ARHGAP42: variants seen among roughly 807,000 people sequenced by gnomAD.
ARHGAP42 encodes the protein rho GTPase-activating protein 42.
Under a neutral mutation model 125.0 loss-of-function variants are expected in ARHGAP42, and 63 were observed. That is an observed-to-expected ratio of 0.50 (90% CI 0.41 to 0.62). The LOEUF (loss-of-function observed/expected upper bound fraction) is 0.62, where lower values mean the gene tolerates loss of function less well. ARHGAP42 is among the 20% of genes least tolerant of loss of function. ARHGAP42 has a pLI of 0.00. For synonymous variants in ARHGAP42, 339 were observed against 351.0 expected, an observed-to-expected ratio of 0.97 and a Z score of 0.38; for missense variants, 766 against 1,024.2, an observed-to-expected ratio of 0.75 and a Z score of 3.44.
chr11:100,981,710 G>A (rs138509669), intron 22 of ARHGAP42, among the ~76,000 whole-genome samples: 205 of 152,290 alleles, frequency 1.3e-3, no homozygotes, highest in Middle Eastern at 3.4e-3. Flanking sequence ...CATTTAGGAT[G>A]GAACTGGTGA....
chr11:100,789,613 C>T (rs897565096), intron 2 of ARHGAP42, among the ~76,000 whole-genome samples: 4 of 152,174 alleles, frequency 2.6e-5, no homozygotes, highest in South Asian at 2.1e-4. Flanking sequence ...CATGTGCTCA[C>T]GTGAGTGATC....
intron 2 of ARHGAP42, among the ~76,000 whole-genome samples, chr11:100,775,992 T>A (rs1367159809): frequency 6.6e-6 from 1 of 152,058 alleles, no homozygotes; most frequent in Non-Finnish European, 1.5e-5. Context: ...AAACCCCATC[T>A]CTACTCAAAA....
At chr11:100,943,065 T>A (rs549102135) in intron 9 of ARHGAP42, among the ~76,000 whole-genome samples, 1 of 152,056 alleles carries the variant, frequency 6.6e-6, no homozygotes, top group Non-Finnish European at 1.5e-5. Context: ...GTGGCCTATG[T>A]TGGATCTTGT....
chr11:100,811,487 C>T (rs1419161689), intron 3 of ARHGAP42, among the ~76,000 whole-genome samples: 1 of 147,592 alleles, frequency 6.8e-6, no homozygotes, highest in South Asian at 2.2e-4. Flanking sequence ...GCTTCTGCCT[C>T]GAATGTCTTG....
chr11:100,829,223 G>T (rs1464282850), intron 3 of ARHGAP42, among the ~76,000 whole-genome samples: 2 of 151,938 alleles, frequency 1.3e-5, no homozygotes, highest in Non-Finnish European at 2.9e-5. Flanking sequence ...AAAAAAGCAT[G>T]GTGGCTTCCG....
At chr11:100,763,398 T>C (rs183412437) in intron 1 of ARHGAP42, among the ~76,000 whole-genome samples, 1 of 152,316 alleles carries the variant, frequency 6.6e-6, no homozygotes, top group East Asian at 1.9e-4. Flanking sequence ...CAGATGAATA[T>C]ATACCTACCT....
At chr11:100,975,006 G>A (rs1474244122) in intron 19 of ARHGAP42, among the ~76,000 whole-genome samples, 1 of 152,046 alleles carries the variant, frequency 6.6e-6, no homozygotes, top group Non-Finnish European at 1.5e-5. Context: ...GTCTGAAAGA[G>A]AAAAGATAAA....
chr11:100,862,237 G>C (rs556472059), intron 4 of ARHGAP42, among the ~76,000 whole-genome samples: 1 of 152,284 alleles, frequency 6.6e-6, no homozygotes, highest in East Asian at 1.9e-4. Flanking sequence ...TGATCTGAAA[G>C]AGTCAACATG....
chr11:100,729,741 C>T (rs754134180), intron 1 of ARHGAP42, among the ~76,000 whole-genome samples: 3 of 151,884 alleles, frequency 2.0e-5, no homozygotes, highest in African/African-American at 4.8e-5. Context: ...ATCTCTTTTC[C>T]GGATGACTAG....
intron 22 of ARHGAP42, among the ~76,000 whole-genome samples, chr11:100,985,221 G>A (rs1858644600): frequency 6.6e-6 from 1 of 152,062 alleles, no homozygotes; most frequent in South Asian, 2.1e-4. Context: ...TTAGGTCATT[G>A]TAAAGAATAT....
At chr11:100,728,488 G>A (rs1466474193) in intron 1 of ARHGAP42, among the ~76,000 whole-genome samples, 1 of 151,960 alleles carries the variant, frequency 6.6e-6, no homozygotes, top group Non-Finnish European at 1.5e-5. Flanking sequence ...GACTTCTGGA[G>A]CCTTCTGGTT....
At chr11:100,697,513 C>T (rs2120188220) in intron 1 of ARHGAP42, among the ~76,000 whole-genome samples, 1 of 152,278 alleles carries the variant, frequency 6.6e-6, no homozygotes, top group East Asian at 1.9e-4. Flanking sequence ...GATATTTCCT[C>T]ATGCAAATCT....
chr11:100,880,053 G>T (rs1436093545), intron 4 of ARHGAP42, among the ~76,000 whole-genome samples: 1 of 152,016 alleles, frequency 6.6e-6, no homozygotes, highest in Non-Finnish European at 1.5e-5. Context: ...ATTCATTTTT[G>T]ATATCCCTAG....
At chr11:100,922,120 A>C (rs1867290356) in intron 6 of ARHGAP42, among the ~76,000 whole-genome samples, 1 of 152,154 alleles carries the variant, frequency 6.6e-6, no homozygotes, top group Non-Finnish European at 1.5e-5. Flanking sequence ...GAGGATGTGC[A>C]TTATCTATAG....
intron 12 of ARHGAP42, among the ~76,000 whole-genome samples, chr11:100,956,170 A>C (rs1344900994): frequency 2.1e-5 from 1 of 48,008 alleles, no homozygotes; most frequent in Non-Finnish European, 4.0e-5. Context: ...ATAAGTCAGT[A>C]GTCAAAAGGG....
intron 1 of ARHGAP42, among the ~76,000 whole-genome samples, chr11:100,709,074 C>G (rs1049620687): frequency 1.3e-5 from 2 of 151,994 alleles, no homozygotes; most frequent in Non-Finnish European, 2.9e-5. Context: ...GAGTCTCACC[C>G]TGTCACCCAG....
chr11:100,896,561 C>A (rs930762020), intron 4 of ARHGAP42, among the ~76,000 whole-genome samples: 2 of 152,038 alleles, frequency 1.3e-5, no homozygotes. Flanking sequence ...TCTCATTGTG[C>A]TTTTGATTTG....
chr11:100,819,888 A>G (rs547819327), intron 3 of ARHGAP42, among the ~76,000 whole-genome samples: 1 of 152,280 alleles, frequency 6.6e-6, no homozygotes, highest in African/African-American at 2.4e-5. Context: ...TTGATTTAAG[A>G]ATATTCATTT....
Position 100,993,680 on chromosome 11 carries a change from C to G in ARHGAP42, c.*4879C>G, listed in dbSNP as rs1272746505. 2.4e-5 allele frequency: 4 copies of G among 167,030 alleles called. No individual in the cohort carries two copies. Among genetic ancestry groups the G allele is most frequent in the Non-Finnish European group, 5.9e-5 (4 of 68,128 alleles). The allele number at this position is 167,030 out of a possible 1,614,324, so 10.3% of individuals were successfully genotyped here. A position where few individuals can be genotyped will look rare whatever the true frequency, so the allele number is the denominator to read the frequency against. ...GATGTTAAGATATTATATTTCAGTA[C>G]TAGGAGCTTCTTTGCAGTCATTAAC... On this transcript the variant is annotated 3_prime_UTR_variant, in exon 24 of 24. Transcript: ENST00000298815.
Sources: gnomAD v4.1 joint callset for allele counts (sites outside exome capture counted in the v4.1 genomes callset) on GRCh38, gnomAD v4.1.1 for gene constraint, MANE v1.5 for transcripts, NCBI Gene and HGNC (gene_info 2026-07-23, HGNC 2026-07-21) for gene names.